MCC: variants seen among roughly 807,000 people sequenced by gnomAD.
MCC encodes MCC regulator of Wnt signaling pathway, also known as colorectal mutant cancer protein.
A neutral mutation model predicts 116.2 loss-of-function variants in MCC; 90 were observed. The ratio of observed to expected loss-of-function variants is 0.77; its 90% confidence interval spans 0.65 to 0.92. The LOEUF (loss-of-function observed/expected upper bound fraction) is 0.92. Ranked by LOEUF, MCC falls within the 40% of genes least tolerant of loss-of-function variation. MCC has a pLI of 0.00. For missense variants in MCC, 1,516 were observed against 1,312.2 expected, an observed-to-expected ratio of 1.16 and a Z score of -2.40; for synonymous variants, 578 against 510.5, an observed-to-expected ratio of 1.13 and a Z score of -1.78.
chr5:113,412,688 T>A (rs2150403405), intron 1 of MCC, among the ~76,000 whole-genome samples: 1 of 152,332 alleles, frequency 6.6e-6, no homozygotes, highest in Non-Finnish European at 1.5e-5. Flanking sequence ...TGATGGGGTT[T>A]TCTAAATATG....
rs1753859706 is a variant in MCC at position 113,069,322 on chromosome 5, T to C, written c.1926-1139A>G. On this transcript the variant is annotated intron_variant, in intron 12 of 18. Coordinates refer to ENST00000408903, the MANE Select transcript of MCC (RefSeq NM_001085377.2). ...GAGGAGGAAACATAGTCACTCTTCT[T>C]TGTGCCCAACATTCATTGGGCAAAC... 2.0e-5 allele frequency among the ~76,000 whole-genome samples: 3 copies of C among 152,366 alleles called. No individual in the cohort carries two copies. In the South Asian group the frequency reaches 6.2e-4, roughly 32 times the overall value.
intron 5 of MCC, 95 bp from the exon 6 acceptor site, chr5:113,122,921 G>T: frequency 7.6e-7 from 1 of 1,317,868 alleles, no homozygotes; most frequent in Non-Finnish European, 1.1e-6. Flanking sequence ...GACATTGAGA[G>T]AGAAAACAGA....
At chr5:113,417,910 G>A (rs1770201877) in intron 1 of MCC, among the ~76,000 whole-genome samples, 2 of 151,446 alleles carry the variant, frequency 1.3e-5, no homozygotes, top group South Asian at 2.1e-4. Flanking sequence ...TCCAGCCTGG[G>A]TGACAGAGTG....
In MCC at chr5:113,434,757, G is replaced by C. The variant is rs1356956990; in HGVS notation, c.171-49545C>G. The C allele has an allele frequency of 6.2e-7, 1 of 1,614,082 alleles. No individual in the cohort carries two copies. The highest frequency in any genetic ancestry group is 1.7e-5 in the Admixed American group (1 of 60,018). Reference sequence around the variant, plus strand: ...GAACTTCAGGCGCTCAGAGTAAGCAGATTTTACTTTTGCATAGGAGCCCTC... The same window carrying C: ...GAACTTCAGGCGCTCAGAGTAAGCACATTTTACTTTTGCATAGGAGCCCTC... On this transcript the variant is annotated intron_variant, in intron 1 of 18. Transcript: ENST00000408903. This position sits in a 1 kb window ranked among gnomAD's most constrained non-coding sequence, Gnocchi z 4.2.
At chr5:113,455,877 G>A (rs1188707531) in intron 1 of MCC, among the ~76,000 whole-genome samples, 1 of 152,148 alleles carries the variant, frequency 6.6e-6, no homozygotes, top group Admixed American at 6.5e-5. Context: ...AGATAAAGAA[G>A]AACGGACCTG....
chr5:113,421,899 T>C (rs1254048431), intron 1 of MCC, among the ~76,000 whole-genome samples: 1 of 152,176 alleles, frequency 6.6e-6, no homozygotes, highest in Non-Finnish European at 1.5e-5. Context: ...CACTTCCCAG[T>C]TCCCTGGGGT....
intron 16 of MCC, among the ~76,000 whole-genome samples, chr5:113,046,716 G>GAA (rs1752115703): frequency 1.3e-5 from 1 of 75,100 alleles, no homozygotes; most frequent in Non-Finnish European, 2.9e-5. Flanking sequence ...AAAAAAGAGA[G>GAA]AGATTTTGAA....
intron 4 of MCC, among the ~76,000 whole-genome samples, chr5:113,149,946 T>A (rs1032018613): frequency 6.6e-6 from 1 of 151,996 alleles, no homozygotes; most frequent in Non-Finnish European, 1.5e-5. Flanking sequence ...GGATGCCCAA[T>A]TGGAGAATAG....
At chr5:113,436,410 C>G (rs1167981264) in intron 1 of MCC, 2 of 152,262 alleles carry the variant, frequency 1.3e-5, no homozygotes, top group African/African-American at 4.8e-5. Context: ...CTAGTTCAGG[C>G]CATGATAGAA....
chr5:113,155,314 T>C (rs1043683864), intron 3 of MCC, among the ~76,000 whole-genome samples: 2 of 152,262 alleles, frequency 1.3e-5, no homozygotes, highest in Non-Finnish European at 1.5e-5. Flanking sequence ...ATTCCGTATC[T>C]TGGCTATTGT....
At chr5:113,059,049 G>T (rs1156769896) in intron 14 of MCC, among the ~76,000 whole-genome samples, 2 of 152,068 alleles carry the variant, frequency 1.3e-5, no homozygotes, top group African/African-American at 2.4e-5. Flanking sequence ...GACAGGCGCT[G>T]CCACCCTTAG....
intron 6 of MCC, among the ~76,000 whole-genome samples, chr5:113,112,711 TCCAGAGACTCACAGTGCTGGGCATGTC>T (rs1163507719): frequency 6.6e-6 from 1 of 152,208 alleles, no homozygotes; most frequent in African/African-American, 2.4e-5. Context: ...ACAGTGTGTT[TCCAGAGACTCACAGTGCTGGGCATGTC>T]CCAGAGACTT....
chr5:113,055,400 G>C (rs1469975776), intron 14 of MCC, among the ~76,000 whole-genome samples: 1 of 152,128 alleles, frequency 6.6e-6, no homozygotes, highest in Non-Finnish European at 1.5e-5. Flanking sequence ...CATGAGTGAG[G>C]GCAGGCCCAC....
intron 16 of MCC, among the ~76,000 whole-genome samples, chr5:113,047,146 T>G (rs1373549346): frequency 6.6e-6 from 1 of 152,124 alleles, no homozygotes; most frequent in Non-Finnish European, 1.5e-5. Context: ...AAGTGGACAT[T>G]TGTGTCTGGC....
rs76150183 is a variant in MCC at position 113,390,802 on chromosome 5, C to T, written c.171-5590G>A. ...AAGTAGTAGGTTGCATGCTTTTGTT[C>T]GAAATTCTCAACTAACAGAGACCCC... On this transcript the variant is annotated intron_variant, in intron 1 of 18. Transcript: ENST00000408903. Among the ~76,000 whole-genome samples, 1,316 of 152,128 alleles carry T rather than the reference C, an allele frequency of 8.7e-3. 23 individuals carry two copies. The highest frequency in any genetic ancestry group is 0.03 in the African/African-American group (1,261 of 41,488).
At chr5:113,074,762 T>C (rs190605613) in intron 11 of MCC, among the ~76,000 whole-genome samples, 65 of 152,316 alleles carry the variant, frequency 4.3e-4, no homozygotes, top group African/African-American at 1.5e-3. Context: ...AGTAGCTGAT[T>C]TGATCAAGTG....
At chr5:113,435,556 G>C (rs1351080462) in intron 1 of MCC, 1 of 152,320 alleles carries the variant, frequency 6.6e-6, no homozygotes, top group East Asian at 1.9e-4. Flanking sequence ...CCTTGATGCT[G>C]TCCACACAGG....
chr5:113,410,301 T>C (rs546953398), intron 1 of MCC, among the ~76,000 whole-genome samples: 1 of 152,364 alleles, frequency 6.6e-6, no homozygotes, highest in East Asian at 1.9e-4. Context: ...ATCTATACAA[T>C]GGATACAATG....
At chr5:113,111,229 C>G (rs900366199) in intron 6 of MCC, among the ~76,000 whole-genome samples, 1 of 152,186 alleles carries the variant, frequency 6.6e-6, no homozygotes, top group Non-Finnish European at 1.5e-5. Context: ...AGGAGGGAAA[C>G]AGGTATTCCC....
Sources: gnomAD v4.1 joint callset for allele counts (sites outside exome capture counted in the v4.1 genomes callset) on GRCh38, gnomAD v4.1.1 for gene constraint, Gnocchi (gnomAD v3.1) non-coding constraint, MANE v1.5 for transcripts, NCBI Gene and HGNC (gene_info 2026-07-23, HGNC 2026-07-21) for gene names.